PCDH10: variants seen among roughly 807,000 people sequenced by gnomAD.
The protein encoded by PCDH10 is protocadherin-10.
In PCDH10, 15 loss-of-function variants were observed where a neutral mutation model predicts 74.4. The observed-to-expected ratio is 0.20, with a 90% CI of 0.13 to 0.31. PCDH10 has a LOEUF of 0.31. PCDH10 is among the 10% of genes least tolerant of loss of function. The pLI, the probability that PCDH10 is intolerant of heterozygous loss-of-function variation, is 1.00. For missense variants in PCDH10, 1,260 were observed against 1,390.2 expected, an observed-to-expected ratio of 0.91 and a Z score of 1.49; for synonymous variants, 619 against 589.8, an observed-to-expected ratio of 1.05 and a Z score of -0.72.
intron 3 of PCDH10, among the ~76,000 whole-genome samples, chr4:133,160,623 G>A (rs1726949419): frequency 1.3e-5 from 2 of 149,326 alleles, no homozygotes; most frequent in African/African-American, 2.5e-5. Flanking sequence ...CCTAATATAT[G>A]TTGACATACT....
At chr4:133,204,366 G>A (rs755259015) in intron 2 of PCDH10, among the ~76,000 whole-genome samples, 52 of 152,246 alleles carry the variant, frequency 3.4e-4, no homozygotes, top group Middle Eastern at 6.8e-3. Context: ...AGGTCACTAC[G>A]TTAGATGCTG....
Position 133,192,240 on chromosome 4 carries a change from A to G in PCDH10, c.*2080A>G, listed in dbSNP as rs1727693193. On this transcript the variant is annotated 3_prime_UTR_variant, in exon 5 of 5. Transcript: ENST00000264360. ...CTTAAACTTTGGCATTACTACATTAATATTTTGAATGATAGACTATTTTAG... is the reference window on the plus strand; with the variant it reads ...CTTAAACTTTGGCATTACTACATTAGTATTTTGAATGATAGACTATTTTAG... 6.6e-6 allele frequency: 1 copy of G among 151,684 alleles called. No homozygotes were observed. The highest frequency in any genetic ancestry group is 1.5e-5 in the Non-Finnish European group (1 of 67,664). The allele number at this position is 151,684 out of a possible 1,614,324, so 9.4% of individuals were successfully genotyped here.
chr4:133,166,710 A>G (rs957726766), intron 4 of PCDH10, among the ~76,000 whole-genome samples: 1 of 151,674 alleles, frequency 6.6e-6, no homozygotes, highest in Non-Finnish European at 1.5e-5. Flanking sequence ...AATGAACATG[A>G]AATTCAGTTC....
At chr4:133,189,769 T>C (rs1396680494) in intron 4 of PCDH10, among the ~76,000 whole-genome samples, 1 of 152,106 alleles carries the variant, frequency 6.6e-6, no homozygotes, top group Non-Finnish European at 1.5e-5. Context: ...TTATAGATTT[T>C]GCTAGAAACT....
rs1727705224 is a variant in PCDH10 at position 133,192,677 on chromosome 4, G to C, written c.*2517G>C. The C allele has an allele frequency of 6.6e-6, 1 of 151,336 alleles. No individual in the cohort carries two copies. The highest frequency in any genetic ancestry group is 1.5e-5 in the Non-Finnish European group (1 of 67,556). The allele number at this position is 151,336 out of a possible 1,614,324, so 9.4% of individuals were successfully genotyped here. On this transcript the variant is annotated 3_prime_UTR_variant, in exon 5 of 5. Transcript: ENST00000264360. ...ACCAGAACTTCTTCCTAATTTGCGG[G>C]ACAAATAGAATTGTTTAAGGATAAA... is the stretch of plus-strand genomic sequence containing the variant.
intron 3 of PCDH10, among the ~76,000 whole-genome samples, chr4:133,161,543 T>C (rs887145405): frequency 2.6e-5 from 4 of 151,984 alleles, no homozygotes; most frequent in Non-Finnish European, 4.4e-5. Flanking sequence ...AACTAAAACT[T>C]GCTCAAGAGC....
chr4:133,206,884 G>A (rs1361306631), intron 2 of PCDH10, among the ~76,000 whole-genome samples: 2 of 152,028 alleles, frequency 1.3e-5, no homozygotes, highest in Non-Finnish European at 2.9e-5. Context: ...ATTCTCTTCA[G>A]TAGATTTTTT....
Position 133,163,275 on chromosome 4 carries a change from A to G in PCDH10, c.3096A>G (p.Pro1032=), listed in dbSNP as rs773979105. 5.0e-6 allele frequency: 8 copies of G among 1,609,294 alleles called. No homozygotes were observed. Among genetic ancestry groups the G allele is most frequent in the African/African-American group, 1.3e-5 (1 of 74,780 alleles). ...LTNTRAPYKP[P]YLTRKRIC ...ATACGCGAGCGCCTTACAAACCACC[A>G]TATTTGAGTAAGTATTACACAAAGG... Residue 1032 remains proline (P), a synonymous_variant, in exon 4 of 5, where the codon CCA becomes CCG. Transcript: ENST00000264360.
intron 2 of PCDH10, among the ~76,000 whole-genome samples, chr4:133,200,433 A>T (rs1727881537): frequency 6.6e-6 from 1 of 152,118 alleles, no homozygotes; most frequent in South Asian, 2.1e-4. Flanking sequence ...TGTTAATAAA[A>T]TATTTAAAAG....
At chr4:133,197,249 C>T (rs544583722), downstream of PCDH10, among the ~76,000 whole-genome samples, 1 of 152,230 alleles carries the variant, frequency 6.6e-6, no homozygotes, top group East Asian at 1.9e-4. Flanking sequence ...TATTTCCATA[C>T]AAATAAATGC....
At chr4:133,160,907 C>A (rs1345164943) in intron 3 of PCDH10, among the ~76,000 whole-genome samples, 1 of 151,510 alleles carries the variant, frequency 6.6e-6, no homozygotes, top group East Asian at 1.9e-4. Flanking sequence ...TCTATGTTCC[C>A]CCATCATTCT....
intron 4 of PCDH10, among the ~76,000 whole-genome samples, chr4:133,184,904 C>T (rs541409720): frequency 6.8e-5 from 10 of 147,278 alleles, no homozygotes; most frequent in Non-Finnish European, 1.2e-4. Flanking sequence ...ACTACTGCAA[C>T]TGTGTCAACT....
At chr4:133,156,252 T>A (rs1560705919) in intron 3 of PCDH10, among the ~76,000 whole-genome samples, 1 of 152,186 alleles carries the variant, frequency 6.6e-6, no homozygotes, top group Non-Finnish European at 1.5e-5. Context: ...TTGGCTAATG[T>A]GTGCTGTGTC....
intron 4 of PCDH10, among the ~76,000 whole-genome samples, chr4:133,188,852 T>C (rs1258023539): frequency 6.6e-6 from 1 of 151,708 alleles, no homozygotes; most frequent in East Asian, 1.9e-4. Context: ...ATTTTGTACT[T>C]TTAGTAGAGA....
Position 133,151,089 on chromosome 4 carries a change from G to A in PCDH10, c.949G>A (p.Asp317Asn). 6.2e-7 allele frequency: 1 copy of A among 1,614,102 alleles called. No homozygotes were observed. Among genetic ancestry groups the A allele is most frequent in the African/African-American group, 1.3e-5 (1 of 75,070 alleles). ...TGRLEVSGELDYEESPVYQVY... is the reference protein window; with the variant it reads ...TGRLEVSGELNYEESPVYQVY... ...CAGACTGGAGGTAAGCGGCGAGTTG[G>A]ACTATGAAGAGAGCCCAGTGTACCA... The change falls in exon 1 of 5, where the codon GAC becomes AAC. Residue 317 changes from aspartate (D) to asparagine (N), a missense_variant. Physicochemically the swap from Asp to Asn is conservative, Grantham distance 23. Coordinates refer to ENST00000264360, the MANE Select transcript of PCDH10 (RefSeq NM_032961.3).
At chr4:133,168,268 A>G (rs1158385872) in intron 4 of PCDH10, among the ~76,000 whole-genome samples, 1 of 151,426 alleles carries the variant, frequency 6.6e-6, no homozygotes, top group African/African-American at 2.4e-5. Flanking sequence ...TGTTTTATAT[A>G]TAAATATCTG....
At chr4:133,169,153 CT>C (rs1727149738) in intron 4 of PCDH10, among the ~76,000 whole-genome samples, 1 of 151,722 alleles carries the variant, frequency 6.6e-6, no homozygotes, top group Non-Finnish European at 1.5e-5. Context: ...GCAGTACCAT[CT>C]TTCTTTTGTC....
At chr4:133,168,526 A>G (rs563823905) in intron 4 of PCDH10, among the ~76,000 whole-genome samples, 127 of 151,700 alleles carry the variant, frequency 8.4e-4, no homozygotes, top group African/African-American at 3.0e-3. Flanking sequence ...TATTTTGACA[A>G]TTTGACCTGT....
chr4:133,172,489 G>T (rs938918642), intron 4 of PCDH10, among the ~76,000 whole-genome samples: 3 of 151,746 alleles, frequency 2.0e-5, no homozygotes, highest in African/African-American at 4.8e-5. Context: ...TATAACTCAA[G>T]AAATGTTTAC....
Sources: gnomAD v4.1 joint callset for allele counts (sites outside exome capture counted in the v4.1 genomes callset) on GRCh38, gnomAD v4.1.1 for gene constraint, MANE v1.5 for transcripts, NCBI Gene and HGNC (gene_info 2026-07-23, HGNC 2026-07-21) for gene names.